Variants in PCDHGB7 observed in about 807,000 individuals in gnomAD.
PCDHGB7 encodes the protein protocadherin gamma-B7.
In PCDHGB7, 37 loss-of-function variants were observed where a neutral mutation model predicts 61.4. That is an observed-to-expected ratio of 0.60 (90% CI 0.46 to 0.79). The LOEUF is 0.79. Ranked by LOEUF, PCDHGB7 falls within the 30% of genes least tolerant of loss-of-function variation. PCDHGB7 has a pLI of 0.00. For missense variants in PCDHGB7, 1,166 were observed against 1,202.5 expected (o/e 0.97, Z 0.45); for synonymous variants, 464 against 503.5 (o/e 0.92, Z 1.05).
At chr5:141,500,086 A>G (rs1456179271) in intron 2 of PCDHGB7, among the ~76,000 whole-genome samples, 1 of 151,682 alleles carries the variant, frequency 6.6e-6, no homozygotes, top group Non-Finnish European at 1.5e-5. Flanking sequence ...TCCATCTTCC[A>G]TTTTTGCAAT....
intron 1 of PCDHGB7, among the ~76,000 whole-genome samples, chr5:141,481,037 G>A (rs1438691746): frequency 2.0e-5 from 3 of 152,050 alleles, no homozygotes; most frequent in East Asian, 3.9e-4. Context: ...CAGCCTGGGC[G>A]ACAGAGCGAG....
intron 1 of PCDHGB7, among the ~76,000 whole-genome samples, chr5:141,483,652 G>A (rs746306843): frequency 2.0e-5 from 3 of 151,916 alleles, no homozygotes; most frequent in Non-Finnish European, 4.4e-5. Context: ...GTGTGTTTGT[G>A]TGTGTGTGTG....
rs748105196 is a variant in PCDHGB7 at position 141,486,849 on chromosome 5, A to G, written c.2416-7958A>G. ...GTTCGTCTATTTGTGCTGGACCTCA[A>G]TGACAATGCTCCAGCTGTGCTCCGT... is the stretch of plus-strand genomic sequence containing the variant. On this transcript the variant is annotated intron_variant, in intron 1 of 3. Coordinates refer to ENST00000398594, the MANE Select transcript of PCDHGB7 (RefSeq NM_018927.4). The surrounding 1 kb of genome is among the most constrained non-coding windows in gnomAD (Gnocchi z 5.0). 4.3e-6 allele frequency: 7 copies of G among 1,614,110 alleles called. No individual in the cohort carries two copies. The highest frequency in any genetic ancestry group is 5.1e-6 in the Non-Finnish European group (6 of 1,180,036).
At chr5:141,505,296 G>A (rs1174492966) in intron 2 of PCDHGB7, 97 bp from the exon 3 acceptor site, 1 of 1,584,850 alleles carries the variant, frequency 6.3e-7, no homozygotes, top group Non-Finnish European at 8.6e-7. Context: ...ATGGGGTAGG[G>A]TTAGGGTACT....
chr5:141,483,007 C>G (rs938404755), intron 1 of PCDHGB7, among the ~76,000 whole-genome samples: 1 of 152,140 alleles, frequency 6.6e-6, no homozygotes, highest in South Asian at 2.1e-4. Flanking sequence ...ATTGCTTGAA[C>G]CCGGGAGGCA....
At position 141,450,006 on chromosome 5, in the gene PCDHGB7, C is replaced by CTAT. The variant is rs70988802; in HGVS notation, c.2415+29733_2415+29734insATT. ...CACATTGCATTTAGTTGCCATGTCT[C>CTAT]TTTTTTTTTTTTTTTTTTGAGACAG... On this transcript the variant is annotated intron_variant, in intron 1 of 3. Transcript: ENST00000398594. Among the ~76,000 whole-genome samples the CTAT allele has an allele frequency of 2.5e-4, 33 of 132,964 alleles. 6 individuals are homozygous for CTAT. Among genetic ancestry groups the CTAT allele is most frequent in the Non-Finnish European group, 2.9e-4 (18 of 62,916 alleles). The allele number at this position is 132,964 out of a possible 152,430, so 87.2% of individuals were successfully genotyped here. A position where few individuals can be genotyped will look rare whatever the true frequency, so the allele number is the denominator to read the frequency against.
chr5:141,510,526 A>T (rs1164238062), intron 3 of PCDHGB7, among the ~76,000 whole-genome samples: 1 of 152,156 alleles, frequency 6.6e-6, no homozygotes, highest in East Asian at 1.9e-4. Flanking sequence ...CAGCCCTGAG[A>T]GAAATACCAG....
In PCDHGB7 at chr5:141,489,584, A is replaced by G. The variant is rs775720718; in HGVS notation, c.2416-5223A>G. Reference sequence around the variant, plus strand: ...CAGGTGGTGACTGAACACCCCCTGGAGCTAATCCGTGTAGAGGTAGAGATC... The same window carrying G: ...CAGGTGGTGACTGAACACCCCCTGGGGCTAATCCGTGTAGAGGTAGAGATC... On this transcript the variant is annotated intron_variant, in intron 1 of 3. Coordinates refer to ENST00000398594, the MANE Select transcript of PCDHGB7 (RefSeq NM_018927.4). The surrounding 1 kb of genome is among the most constrained non-coding windows in gnomAD (Gnocchi z 4.5). The G allele has an allele frequency of 6.2e-7, 1 of 1,614,054 alleles. No homozygotes were observed. Among genetic ancestry groups the G allele is most frequent in the South Asian group, 1.1e-5 (1 of 91,078 alleles).
intron 1 of PCDHGB7, among the ~76,000 whole-genome samples, chr5:141,472,122 G>A (rs898092092): frequency 6.6e-6 from 1 of 152,176 alleles, no homozygotes; most frequent in African/African-American, 2.4e-5. Flanking sequence ...GAAAATAAAA[G>A]AGAAGTTAAA....
rs574873856 is a variant in PCDHGB7, at chr5:141,419,059, T to C, written c.1200T>C (p.Asn400=). ...TTAAGATTCATTCTTCTTCTAATAA[T>C]TACTACAAGCTAGTAACAGATGAGG... is the stretch of plus-strand genomic sequence containing the variant. ...VPFKIHSSSN[N]YYKLVTDEAL... Residue 400 remains asparagine, a synonymous_variant, in exon 1 of 4, where the codon AAT becomes AAC. Coordinates refer to ENST00000398594, the MANE Select transcript of PCDHGB7 (RefSeq NM_018927.4). 1.6e-5 allele frequency: 26 copies of C among 1,613,962 alleles called. No homozygotes were observed. The highest frequency in any genetic ancestry group is 2.0e-5 in the Non-Finnish European group (24 of 1,179,894).
chr5:141,430,997 C>G, intron 1 of PCDHGB7: 1 of 1,613,926 alleles, frequency 6.2e-7, no homozygotes. Context: ...CCTGAATCCG[C>G]GCAGCGGCAG....
intron 1 of PCDHGB7, chr5:141,478,865 T>G: frequency 7.5e-7 from 1 of 1,326,190 alleles, no homozygotes; most frequent in Non-Finnish European, 1.0e-6. Context: ...ATCTCAGCGA[T>G]CAGAGTTTAG....
intron 2 of PCDHGB7, among the ~76,000 whole-genome samples, chr5:141,501,528 A>G (rs1173385747): frequency 6.6e-6 from 1 of 151,978 alleles, no homozygotes; most frequent in Non-Finnish European, 1.5e-5. Context: ...GAAGCCCAGT[A>G]CGTTGTTGTG....
At chr5:141,467,285 T>G (rs6870144) in intron 1 of PCDHGB7, among the ~76,000 whole-genome samples, 42,564 of 152,010 alleles carry the variant, frequency 0.28, 6,785 homozygotes, top group African/African-American at 0.45. Context: ...ACTCTTGACC[T>G]CAAGTGATCC....
intron 1 of PCDHGB7, chr5:141,430,668 C>T (rs538633559): frequency 1.6e-6 from 2 of 1,243,872 alleles, no homozygotes; most frequent in East Asian, 2.5e-5. Context: ...GGAGCTCTGA[C>T]TTCCCAACTG....
intron 1 of PCDHGB7, among the ~76,000 whole-genome samples, chr5:141,450,013 T>A (rs1178482524): frequency 7.4e-6 from 1 of 135,940 alleles, no homozygotes; most frequent in African/African-American, 3.2e-5. Flanking sequence ...TCTCTTTTTT[T>A]TTTTTTTTTT....
At chr5:141,466,549 T>C (rs778708029) in intron 1 of PCDHGB7, among the ~76,000 whole-genome samples, 2 of 152,244 alleles carry the variant, frequency 1.3e-5, no homozygotes, top group African/African-American at 2.4e-5. Flanking sequence ...GGTCTTTTGC[T>C]GTGGGCTTCA....
Position 141,486,288 on chromosome 5 carries a change from T to C in PCDHGB7, c.2416-8519T>C. 5 of 1,613,996 alleles carry C rather than the reference T, an allele frequency of 3.1e-6. No individual in the cohort carries two copies. The highest frequency in any genetic ancestry group is 4.2e-6 in the Non-Finnish European group (5 of 1,179,986). ...GAACCTGGCACTGTGGTGGCACTTA[T>C]CAGTGTGCAGGATCCAGACTCAGGG... On this transcript the variant is annotated intron_variant, in intron 1 of 3. Coordinates refer to ENST00000398594, the MANE Select transcript of PCDHGB7 (RefSeq NM_018927.4). The surrounding 1 kb of genome is among the most constrained non-coding windows in gnomAD (Gnocchi z 5.0).
intron 2 of PCDHGB7, among the ~76,000 whole-genome samples, chr5:141,500,046 T>C (rs959260262): frequency 1.3e-5 from 2 of 152,098 alleles, no homozygotes; most frequent in African/African-American, 4.8e-5. Context: ...TTAAGTATCT[T>C]AATGCTCTTT....
Sources: gnomAD v4.1 joint callset for allele counts (sites outside exome capture counted in the v4.1 genomes callset) on GRCh38, gnomAD v4.1.1 for gene constraint, Gnocchi (gnomAD v3.1) non-coding constraint, MANE v1.5 for transcripts, NCBI Gene and HGNC (gene_info 2026-07-23, HGNC 2026-07-21) for gene names.